PDGFA: variants seen among roughly 807,000 people sequenced by gnomAD.
PDGFA encodes the protein platelet derived growth factor subunit A.
In PDGFA, 9 loss-of-function variants were observed where a neutral mutation model predicts 25.6. The observed-to-expected ratio is 0.35, with a 90% CI of 0.21 to 0.61. The LOEUF (loss-of-function observed/expected upper bound fraction) is 0.61, where lower values mean the gene tolerates loss of function less well. Ranked by LOEUF, PDGFA falls within the 20% of genes least tolerant of loss-of-function variation. The probability of loss-of-function intolerance (pLI) is 0.75; values close to 1 mark genes in which losing one functional copy is unlikely to be tolerated. For missense variants in PDGFA, 242 were observed against 272.8 expected (o/e 0.89, Z 0.79); for synonymous variants, 133 against 111.8 (o/e 1.19, Z -1.20).
chr7:511,958 G>A (rs907061743), intron 3 of PDGFA, among the ~76,000 whole-genome samples: 8 of 152,224 alleles, frequency 5.3e-5, no homozygotes, highest in Non-Finnish European at 8.8e-5. Context: ...AGCCGGCGCA[G>A]GAGCACGATG....
In PDGFA at chr7:518,798, A is replaced by C. The variant is rs1783226066; in HGVS notation, c.63+141T>G. ...CACACACTTAGGCATGGCAGAAAAT[A>C]GAACCCAGTTGGGAAAATCTAAACA... On this transcript the variant is annotated intron_variant, in intron 1 of 5. Transcript: ENST00000402802. The C allele has an allele frequency of 7.5e-6, 4 of 536,704 alleles. No individual in the cohort carries two copies. The South Asian group carries it at 1.1e-4, about 14-fold the overall frequency. 33.2% of individuals were successfully genotyped at this position (536,704 alleles called of 1,614,324 possible). A position where few individuals can be genotyped will look rare whatever the true frequency, so the allele number is the denominator to read the frequency against.
intron 2 of PDGFA, chr7:512,849 C>T (rs1270278788): frequency 2.9e-6 from 1 of 342,994 alleles, no homozygotes; most frequent in Non-Finnish European, 5.7e-6. Flanking sequence ...CCGTGCACCT[C>T]CCCGAGGGGC....
At chr7:512,450 C>T in exon 3 of PDGFA, 1 of 1,613,666 alleles carries the variant, frequency 6.2e-7, no homozygotes, top group Non-Finnish European at 8.5e-7. Flanking sequence ...AAAGAATCCT[C>T]ACTCCCTGCA....
chr7:512,569 T>G, intron 2 of PDGFA, 114 bp from the exon 3 acceptor site: 3 of 1,560,154 alleles, frequency 1.9e-6, no homozygotes, highest in Non-Finnish European at 2.6e-6. Context: ...AACAGGCACC[T>G]GGCGGCACAG....
intron 2 of PDGFA, among the ~76,000 whole-genome samples, chr7:516,967 C>T (rs1783131690): frequency 6.6e-6 from 1 of 151,642 alleles, no homozygotes; most frequent in African/African-American, 2.4e-5. Context: ...CTCCGCCCGC[C>T]CGCCCGTCGG....
intron 4 of PDGFA, among the ~76,000 whole-genome samples, chr7:505,617 C>T (rs1475293780): frequency 7.2e-5 from 11 of 152,142 alleles, no homozygotes; most frequent in Non-Finnish European, 1.5e-4. Flanking sequence ...CGCACGTGCC[C>T]GTCACTGTAA....
rs1300514229 is a variant in PDGFA, at chr7:519,051, G to T, written c.-50C>A. Reference sequence around the variant, plus strand: ...GGAGGAGAGGCGAGGCCGCGGGGCGGGCGCTCCAGCCGGTCTCCTGTGGCG... The same window carrying T: ...GGAGGAGAGGCGAGGCCGCGGGGCGTGCGCTCCAGCCGGTCTCCTGTGGCG... On this transcript the variant is annotated 5_prime_UTR_variant, in exon 1 of 6. Coordinates refer to ENST00000402802, the Ensembl canonical transcript of PDGFA. 2.8e-6 allele frequency: 4 copies of T among 1,437,722 alleles called. No homozygotes were observed. The Admixed American group carries it at 6.3e-5, about 23-fold the overall frequency. The allele number at this position is 1,437,722 out of a possible 1,614,324, so 89.1% of individuals were successfully genotyped here.
chr7:515,966 C>T (rs564906348), intron 2 of PDGFA, among the ~76,000 whole-genome samples: 70 of 151,718 alleles, frequency 4.6e-4, no homozygotes, highest in African/African-American at 1.6e-3. Flanking sequence ...ACGAGGAGGC[C>T]CAGCTCTCCA....
intron 2 of PDGFA, among the ~76,000 whole-genome samples, chr7:514,535 C>T (rs546441331): frequency 1.3e-5 from 2 of 152,178 alleles, no homozygotes; most frequent in Non-Finnish European, 1.5e-5. Flanking sequence ...GTGGCCTGGC[C>T]GGCAAGAATC....
At position 505,664 on chromosome 7, in the gene PDGFA, C is replaced by T. The variant is rs139680351; in HGVS notation, c.454-4422G>A. Among the ~76,000 whole-genome samples, 1,038 of 152,314 alleles carry T rather than the reference C, an allele frequency of 6.8e-3. 5 individuals are homozygous for T. The highest frequency in any genetic ancestry group is 8.8e-3 in the Non-Finnish European group (598 of 68,034). ...ACCCTGTGAGGACACCATCGTGGTC[C>T]ATTCTAGAGATGAGAACACACAGCA... On this transcript the variant is annotated intron_variant, in intron 4 of 5. Coordinates refer to ENST00000402802, the Ensembl canonical transcript of PDGFA.
chr7:498,397 T>G (rs1474577800), exon 6 of PDGFA: 4 of 642,834 alleles, frequency 6.2e-6, no homozygotes, highest in Non-Finnish European at 1.1e-5. Context: ...TGATGTCACA[T>G]TAAACAAATG....
intron 4 of PDGFA, among the ~76,000 whole-genome samples, chr7:504,057 C>T (rs1295778417): frequency 6.6e-6 from 1 of 152,172 alleles, no homozygotes; most frequent in Non-Finnish European, 1.5e-5. Context: ...ATCTGTAAAA[C>T]GGAGACCAAT....
chr7:510,484 C>A (rs1186135559), intron 4 of PDGFA, among the ~76,000 whole-genome samples: 1 of 126,232 alleles, frequency 7.9e-6, no homozygotes, highest in Non-Finnish European at 1.7e-5. Flanking sequence ...CGGCCCCGGG[C>A]TCGGGTGGGG....
chr7:502,809 CAT>C (rs1491510035), intron 4 of PDGFA, among the ~76,000 whole-genome samples: 22,427 of 131,980 alleles, frequency 0.17, 2,121 homozygotes, highest in Admixed American at 0.26. Flanking sequence ...CACACACACA[CAT>C]AATGCACATA....
intron 4 of PDGFA, among the ~76,000 whole-genome samples, chr7:509,054 G>A (rs1782689129): frequency 6.6e-6 from 1 of 152,190 alleles, no homozygotes; most frequent in African/African-American, 2.4e-5. Flanking sequence ...GCAGGTCTCT[G>A]GGCACACTTC....
chr7:501,011 C>T (rs919640888), intron 5 of PDGFA, 105 bp downstream of exon 5: 2 of 1,607,484 alleles, frequency 1.2e-6, no homozygotes, highest in Non-Finnish European at 1.7e-6. Flanking sequence ...AGCCCAGATG[C>T]TCACAGCAGT....
At chr7:506,782 C>T (rs943008834) in intron 4 of PDGFA, among the ~76,000 whole-genome samples, 1 of 152,170 alleles carries the variant, frequency 6.6e-6, no homozygotes, top group African/African-American at 2.4e-5. Flanking sequence ...GCCAGTCACT[C>T]CCCCAGGGCT....
exon 6 of PDGFA, chr7:497,953 A>AAAAC (rs1782143870): frequency 5.2e-5 from 6 of 115,158 alleles, no homozygotes; most frequent in Non-Finnish European, 9.1e-5. Flanking sequence ...AAAAAAAAAA[A>AAAAC]AAAAACAAAA....
At chr7:518,703 C>T (rs1227345934) in intron 1 of PDGFA, among the ~76,000 whole-genome samples, 2 of 152,280 alleles carry the variant, frequency 1.3e-5, no homozygotes, top group African/African-American at 4.8e-5. Context: ...TTTCTGCCCA[C>T]TCGTCCACCT....
Sources: allele counts gnomAD v4.1 joint callset (sites outside exome capture counted in the v4.1 genomes callset), GRCh38; gene constraint gnomAD v4.1.1; transcripts MANE v1.5; gene names NCBI Gene and HGNC (gene_info 2026-07-23, HGNC 2026-07-21).